Variants in RBM47 observed in about 807,000 individuals in gnomAD.
The protein encoded by RBM47 is RNA binding motif protein 47, also known as RNA-binding protein 47.
A neutral mutation model predicts 47.1 loss-of-function variants in RBM47; 21 were observed. That is an observed-to-expected ratio of 0.45 (90% CI 0.32 to 0.64). The LOEUF (loss-of-function observed/expected upper bound fraction) is 0.64, where lower values mean the gene tolerates loss of function less well. Among genes scored for constraint, RBM47 ranks in the 30% least tolerant of loss-of-function variants. The probability of loss-of-function intolerance (pLI) is 0.05; values close to 1 mark genes in which losing one functional copy is unlikely to be tolerated. For missense variants in RBM47, 708 were observed against 870.9 expected, an observed-to-expected ratio of 0.81 and a Z score of 2.35; for synonymous variants, 375 against 361.7, an observed-to-expected ratio of 1.04 and a Z score of -0.42.
intron 6 of RBM47, among the ~76,000 whole-genome samples, chr4:40,429,916 C>T (rs149145042): frequency 9.9e-5 from 15 of 151,834 alleles, no homozygotes; most frequent in East Asian, 5.8e-4. Flanking sequence ...TGATGGTGGC[C>T]GGGCGCGGTG....
At chr4:40,463,998 TA>T (rs1717572176) in intron 3 of RBM47, among the ~76,000 whole-genome samples, 1 of 152,226 alleles carries the variant, frequency 6.6e-6, no homozygotes, top group East Asian at 1.9e-4. Context: ...CAATTCTCAT[TA>T]GCCCAATGAT....
At chr4:40,568,297 G>A (rs146906870) in intron 1 of RBM47, among the ~76,000 whole-genome samples, 200 of 151,486 alleles carry the variant, frequency 1.3e-3, no homozygotes, top group African/African-American at 4.5e-3. Flanking sequence ...GCATGGCGGC[G>A]CAGTGCCTCT....
rs754497064 is a variant in RBM47, at chr4:40,437,940, G to A, written c.954C>T (p.Pro318=). The A allele has an allele frequency of 5.6e-6, 9 of 1,613,486 alleles. No individual in the cohort carries two copies. The highest frequency in any genetic ancestry group is 1.7e-5 in the Admixed American group (1 of 60,002). The part of the protein sequence containing the change: ...GSCLEVTLAK[P]VDKEQYSRYQ... Reference sequence around the variant, plus strand: ...AGCGCGAGTACTGCTCCTTGTCCACGGGCTTGGCCAGCGTGACCTCCAGGC... The same window carrying A: ...AGCGCGAGTACTGCTCCTTGTCCACAGGCTTGGCCAGCGTGACCTCCAGGC... The change falls in exon 4 of 7, where the codon CCC becomes CCT. Residue 318 remains proline, a synonymous_variant. Coordinates refer to ENST00000295971, the MANE Select transcript of RBM47 (RefSeq NM_001098634.2).
intron 1 of RBM47, among the ~76,000 whole-genome samples, chr4:40,569,083 C>T (rs1293798878): frequency 6.6e-6 from 1 of 151,776 alleles, no homozygotes; most frequent in Non-Finnish European, 1.5e-5. Context: ...CTGGGAGGGA[C>T]ATTAATCATA....
At chr4:40,531,771 G>GT (rs561960481) in intron 2 of RBM47, among the ~76,000 whole-genome samples, 28 of 152,234 alleles carry the variant, frequency 1.8e-4, no homozygotes, top group East Asian at 1.2e-3. Context: ...GTTTCTTACA[G>GT]TTTTTTTCCT....
Position 40,425,996 on chromosome 4 carries a change from C to T in RBM47, c.1690G>A (p.Ala564Thr), listed in dbSNP as rs370242960. The T allele has an allele frequency of 1.5e-5, 25 of 1,613,836 alleles. No homozygotes were observed. Among genetic ancestry groups the T allele is most frequent in the African/African-American group, 2.7e-5 (2 of 74,900 alleles). The change falls in exon 7 of 7, where the codon GCC becomes ACC. Residue 564 changes from alanine to threonine, a missense_variant. By Grantham distance (58) the Ala-to-Thr change is moderately conservative (BLOSUM62 0). Coordinates refer to ENST00000295971, the MANE Select transcript of RBM47 (RefSeq NM_001098634.2). ...TAGCCTGCGTATCCTCCATACATGGCGGCCGCGGCTGCCGCGTTCTTCTGT... is the reference window on the plus strand; with the variant it reads ...TAGCCTGCGTATCCTCCATACATGGTGGCCGCGGCTGCCGCGTTCTTCTGT... ...TLQKNAAAAA[A>T]MYGGYAGYIP...
intron 2 of RBM47, among the ~76,000 whole-genome samples, chr4:40,480,988 T>C (rs149214961): frequency 6.6e-6 from 1 of 152,200 alleles, no homozygotes; most frequent in African/African-American, 2.4e-5. Context: ...ATATGAAAAG[T>C]AGATATATTT....
In RBM47 at chr4:40,489,992, A is replaced by G. The variant is rs560365460; in HGVS notation, c.-154-23293T>C. 2.1e-3 allele frequency among the ~76,000 whole-genome samples: 317 copies of G among 152,376 alleles called. 1 individual carries two copies. The highest frequency in any genetic ancestry group is 7.3e-3 in the African/African-American group (305 of 41,594). On this transcript the variant is annotated intron_variant, in intron 2 of 6. Transcript: ENST00000295971. ...CAAGATAGCTTAACAGATGAAAATCAATCAGTGCAATACACCATATCAACA... is the reference window on the plus strand; with the variant it reads ...CAAGATAGCTTAACAGATGAAAATCGATCAGTGCAATACACCATATCAACA...
chr4:40,576,224 T>C lies in RBM47; in HGVS notation c.-239-31718A>G, dbSNP rs1446197051. 2.1e-5 allele frequency among the ~76,000 whole-genome samples: 3 copies of C among 145,836 alleles called. No individual in the cohort carries two copies. The South Asian group carries it at 6.5e-4, about 31-fold the overall frequency. On this transcript the variant is annotated intron_variant, in intron 1 of 6. Coordinates refer to ENST00000295971, the MANE Select transcript of RBM47 (RefSeq NM_001098634.2). Reference sequence around the variant, plus strand: ...GCCCTTTCTTCAGCCTATTTCTTTTTTTCTTTCTCTTTTCTGTTTTTTTTT... The same window carrying C: ...GCCCTTTCTTCAGCCTATTTCTTTTCTTCTTTCTCTTTTCTGTTTTTTTTT...
At chr4:40,538,873 G>A (rs529328832) in intron 2 of RBM47, among the ~76,000 whole-genome samples, 1 of 152,064 alleles carries the variant, frequency 6.6e-6, no homozygotes, top group African/African-American at 2.4e-5. Context: ...GACCTCAAAA[G>A]ATCTGCCTGC....
chr4:40,436,190 AC>A (rs1353087908), intron 5 of RBM47, among the ~76,000 whole-genome samples: 4 of 42,448 alleles, frequency 9.4e-5, no homozygotes, highest in African/African-American at 1.9e-4. Flanking sequence ...AAAAAAACAA[AC>A]AAACAAACAA....
At chr4:40,504,892 C>T (rs1310895513) in intron 2 of RBM47, among the ~76,000 whole-genome samples, 1 of 152,150 alleles carries the variant, frequency 6.6e-6, no homozygotes, top group African/African-American at 2.4e-5. Flanking sequence ...AGATTCTTTA[C>T]CAAAGAAGTA....
chr4:40,547,976 G>C (rs533396306), intron 1 of RBM47, among the ~76,000 whole-genome samples: 12 of 152,252 alleles, frequency 7.9e-5, no homozygotes, highest in Non-Finnish European at 1.6e-4. Context: ...AGTGTGGATA[G>C]TGAGTCCAGG....
At chr4:40,576,495 A>G (rs1158785045) in intron 1 of RBM47, among the ~76,000 whole-genome samples, 1 of 152,212 alleles carries the variant, frequency 6.6e-6, no homozygotes, top group Non-Finnish European at 1.5e-5. Context: ...CATAACATAT[A>G]TGAAAGCATT....
chr4:40,568,190 C>G (rs567089724), intron 1 of RBM47, among the ~76,000 whole-genome samples: 1 of 151,538 alleles, frequency 6.6e-6, no homozygotes, highest in Non-Finnish European at 1.5e-5. Context: ...CTTTGGGAGG[C>G]GAAGGCAGGA....
intron 1 of RBM47, among the ~76,000 whole-genome samples, chr4:40,625,867 T>C (rs1737692785): frequency 6.6e-6 from 1 of 152,142 alleles, no homozygotes; most frequent in South Asian, 2.1e-4. Flanking sequence ...GACCAAAAGA[T>C]TGATATTTTC....
At chr4:40,486,970 A>G (rs1211830628) in intron 2 of RBM47, among the ~76,000 whole-genome samples, 1 of 152,210 alleles carries the variant, frequency 6.6e-6, no homozygotes. Flanking sequence ...GACACTCACA[A>G]GGATTCAGGT....
At chr4:40,437,176 C>CATATATATATATAATACAT (rs1218027908) in intron 4 of RBM47, among the ~76,000 whole-genome samples, 1 of 117,684 alleles carries the variant, frequency 8.5e-6, no homozygotes, top group Non-Finnish European at 1.7e-5. Context: ...ATATATAATA[C>CATATATATATATAATACAT]ATATATATAT....
chr4:40,538,257 T>C (rs961352167), intron 2 of RBM47, among the ~76,000 whole-genome samples: 5 of 151,882 alleles, frequency 3.3e-5, no homozygotes, highest in Non-Finnish European at 7.4e-5. Context: ...AGAAAAGGGA[T>C]CCAGTAACTT....
Sources: allele counts gnomAD v4.1 joint callset (sites outside exome capture counted in the v4.1 genomes callset), GRCh38; gene constraint gnomAD v4.1.1; transcripts MANE v1.5; gene names NCBI Gene and HGNC (gene_info 2026-07-23, HGNC 2026-07-21).